Variants in RUBCNL observed in about 807,000 individuals in gnomAD.
The protein encoded by RUBCNL is rubicon like autophagy enhancer.
A neutral mutation model predicts 69.5 loss-of-function variants in RUBCNL; 62 were observed. The observed-to-expected ratio is 0.89, with a 90% CI of 0.73 to 1.10. The LOEUF is 1.10. Ranked by LOEUF, RUBCNL falls within the 50% of genes least tolerant of loss-of-function variation. The pLI, the probability that RUBCNL is intolerant of heterozygous loss-of-function variation, is 0.00. For missense variants in RUBCNL, 768 were observed against 798.1 expected (o/e 0.96, Z 0.45); for synonymous variants, 291 against 303.6 (o/e 0.96, Z 0.43).
At chr13:46,362,649 T>A in intron 6 of RUBCNL, 51 bp from the exon 7 acceptor site, 1 of 1,303,106 alleles carries the variant, frequency 7.7e-7, no homozygotes, top group Non-Finnish European at 1.1e-6. Context: ...CTGTTTCATT[T>A]AATCGCAGTC....
At chr13:46,357,604 A>G (rs1357193004) in intron 9 of RUBCNL, among the ~76,000 whole-genome samples, 2 of 151,252 alleles carry the variant, frequency 1.3e-5, no homozygotes, top group African/African-American at 4.9e-5. Context: ...GGTAAGAGAT[A>G]TTCCATTCCA....
rs2048117243 is a variant in RUBCNL at position 46,338,284 on chromosome 13, T to G, written c.*5101A>C. On this transcript the variant is annotated 3_prime_UTR_variant, in exon 15 of 15. Coordinates refer to ENST00000429979, the MANE Select transcript of RUBCNL (RefSeq NM_025113.5). ...AAAGCAGGTTTGAATTTTGAAATCT[T>G]TGACTCCTCACTGCTCTGCTCTGGA... Among the ~76,000 whole-genome samples the G allele has an allele frequency of 6.6e-6, 1 of 152,190 alleles. No individual in the cohort carries two copies. Among genetic ancestry groups the G allele is most frequent in the African/African-American group, 2.4e-5 (1 of 41,450 alleles).
intron 12 of RUBCNL, among the ~76,000 whole-genome samples, 189 bp from the exon 13 acceptor site, chr13:46,345,789 A>C (rs368127768): frequency 7.9e-5 from 12 of 152,332 alleles, no homozygotes; most frequent in African/African-American, 2.6e-4. Flanking sequence ...TTTGCTTGGA[A>C]GCCAGGAAGT....
rs561136265 is a variant in RUBCNL, at chr13:46,337,618, G to A, written c.*5767C>T. 6.6e-6 allele frequency among the ~76,000 whole-genome samples: 1 copy of A among 152,250 alleles called. No homozygotes were observed. The highest frequency in any genetic ancestry group is 6.5e-5 in the Admixed American group (1 of 15,286). On this transcript the variant is annotated 3_prime_UTR_variant, in exon 15 of 15. Coordinates refer to ENST00000429979, the MANE Select transcript of RUBCNL (RefSeq NM_025113.5). ...GTTTCTGTTGTTTATTATCCACCTA[G>A]CGTAAGGTATTTTATTATAGCAGCC...
At chr13:46,377,168 G>C (rs1404805722) in intron 2 of RUBCNL, among the ~76,000 whole-genome samples, 1 of 152,130 alleles carries the variant, frequency 6.6e-6, no homozygotes, top group Non-Finnish European at 1.5e-5. Flanking sequence ...CATATCTTTT[G>C]TGTGTTTGGT....
At chr13:46,345,168 T>C (rs1452597419) in intron 13 of RUBCNL, among the ~76,000 whole-genome samples, 2 of 152,200 alleles carry the variant, frequency 1.3e-5, no homozygotes, top group Non-Finnish European at 2.9e-5. Context: ...GAATCCTGGT[T>C]CCACATGACT....
At chr13:46,385,690 C>T (rs1021225486) in intron 1 of RUBCNL, among the ~76,000 whole-genome samples, 1 of 145,032 alleles carries the variant, frequency 6.9e-6, no homozygotes, top group Non-Finnish European at 1.5e-5. Context: ...AACCAACAAA[C>T]GTTTACTCTT....
At chr13:46,343,537 T>C (rs2048178973) in intron 14 of RUBCNL, 40 bp from the exon 15 acceptor site, 2 of 1,592,366 alleles carry the variant, frequency 1.3e-6, no homozygotes, top group Non-Finnish European at 1.7e-6. Context: ...ACGGTCTATC[T>C]TGTTTTCTCA....
intron 8 of RUBCNL, 38 bp from the exon 9 acceptor site, chr13:46,359,669 C>G (rs1408349659): frequency 6.8e-7 from 1 of 1,478,796 alleles, no homozygotes. Flanking sequence ...ACAACTTAAG[C>G]ATATTTCAAA....
chr13:46,387,982 CG>C, upstream of RUBCNL: 1 of 318,114 alleles, frequency 3.1e-6, no homozygotes, highest in Non-Finnish European at 4.5e-6. Flanking sequence ...GAGGCCAAGT[CG>C]GATGGATCAC....
intron 14 of RUBCNL, 146 bp from the exon 15 acceptor site, chr13:46,343,643 C>T: frequency 1.4e-6 from 1 of 738,748 alleles, no homozygotes; most frequent in Non-Finnish European, 2.2e-6. Flanking sequence ...GGCTGAAACG[C>T]ACGTTTCAGC....
Position 46,341,157 on chromosome 13 carries a change from C to T in RUBCNL, c.*2228G>A, listed in dbSNP as rs2138655323. The stretch of plus-strand genomic sequence containing the variant: ...AATCATGACTGTAAATGACACACTA[C>T]TGGAATTGCCCATGTGAAGAGTGCA... On this transcript the variant is annotated 3_prime_UTR_variant, in exon 15 of 15. Coordinates refer to ENST00000429979, the MANE Select transcript of RUBCNL (RefSeq NM_025113.5). Among the ~76,000 whole-genome samples, 1 of 152,322 alleles carries T rather than the reference C, an allele frequency of 6.6e-6. No homozygotes were observed. The highest frequency in any genetic ancestry group is 2.4e-5 in the African/African-American group (1 of 41,556).
In RUBCNL at chr13:46,349,280, T is replaced by G. The variant is rs780912233; in HGVS notation, c.1631+6A>C. ...GAAGGCAGCCTGTCCCAGCTGAGAA[T>G]AGTACCTGTTAGCAAACCTACAGGT... On this transcript the variant is annotated splice_donor_region_variant and intron_variant, in intron 12 of 14. Coordinates refer to ENST00000429979, the MANE Select transcript of RUBCNL (RefSeq NM_025113.5). 9 of 1,612,960 alleles carry G rather than the reference T, an allele frequency of 5.6e-6. No individual in the cohort carries two copies. The highest frequency in any genetic ancestry group is 7.6e-6 in the Non-Finnish European group (9 of 1,179,192).
chr13:46,346,921 A>G (rs919505657), intron 12 of RUBCNL, among the ~76,000 whole-genome samples: 7 of 152,204 alleles, frequency 4.6e-5, no homozygotes, highest in African/African-American at 1.7e-4. Flanking sequence ...ATAGTATTCT[A>G]TTCTACGGAC....
intron 13 of RUBCNL, among the ~76,000 whole-genome samples, chr13:46,345,087 A>T (rs2048216318): frequency 6.6e-6 from 1 of 152,200 alleles, no homozygotes. Flanking sequence ...CTCTGAAATG[A>T]TCTAATTTCA....
intron 2 of RUBCNL, among the ~76,000 whole-genome samples, chr13:46,374,073 G>T (rs1227214503): frequency 1.3e-5 from 2 of 152,140 alleles, no homozygotes; most frequent in African/African-American, 4.8e-5. Context: ...CTCACACCTG[G>T]ACGTGCAGCC....
chr13:46,347,669 A>G (rs1246403345), intron 12 of RUBCNL, among the ~76,000 whole-genome samples: 1 of 152,162 alleles, frequency 6.6e-6, no homozygotes, highest in Non-Finnish European at 1.5e-5. Flanking sequence ...GTATATACAT[A>G]CAATGAAATA....
chr13:46,350,136 C>CTT lies in RUBCNL; in HGVS notation c.1544_1545dup (p.Ala516LysfsTer8). ...ACCTTCACTCTGTCCAGCTCCTTGG[C>CTT]TTTCGCATACAGGCTTTGGCCGATG... On this transcript the variant is annotated frameshift_variant, in exon 11 of 15. Transcript: ENST00000429979. LOFTEE classifies it high-confidence loss of function. The CTT allele has an allele frequency of 6.4e-7, 1 of 1,572,330 alleles. No homozygotes were observed.
chr13:46,356,556 T>C, intron 9 of RUBCNL, 60 bp from the exon 10 acceptor site: 1 of 1,440,602 alleles, frequency 6.9e-7, no homozygotes, highest in South Asian at 1.2e-5. Flanking sequence ...CATTTTTCAC[T>C]AATTAGAAAA....
Sources: gnomAD v4.1 joint callset for allele counts (sites outside exome capture counted in the v4.1 genomes callset) on GRCh38, gnomAD v4.1.1 for gene constraint, MANE v1.5 for transcripts, NCBI Gene and HGNC (gene_info 2026-07-23, HGNC 2026-07-21) for gene names.